The following ANKFN1 variants were observed in gnomAD, a reference collection of about 807,000 sequenced individuals.
ANKFN1 encodes ankyrin repeat and fibronectin type III domain containing 1.
Under a neutral mutation model 108.7 loss-of-function variants are expected in ANKFN1, and 74 were observed. The ratio of observed to expected loss-of-function variants is 0.68; its 90% confidence interval spans 0.56 to 0.83. The LOEUF is 0.83. Ranked by LOEUF, ANKFN1 falls within the 40% of genes least tolerant of loss-of-function variation. ANKFN1 has a pLI of 0.00. For synonymous variants in ANKFN1, 547 were observed against 516.2 expected, an observed-to-expected ratio of 1.06 and a Z score of -0.81; for missense variants, 1,505 against 1,382.3, an observed-to-expected ratio of 1.09 and a Z score of -1.41.
At chr17:56,186,839 A>G (rs2143660045) in intron 1 of ANKFN1, among the ~76,000 whole-genome samples, 1 of 152,332 alleles carries the variant, frequency 6.6e-6, no homozygotes, top group South Asian at 2.1e-4. Context: ...CGGGGAAAGG[A>G]TTCCCTATTT....
chr17:56,399,277 A>T (rs1024787817), intron 8 of ANKFN1, among the ~76,000 whole-genome samples: 1 of 152,228 alleles, frequency 6.6e-6, no homozygotes, highest in Middle Eastern at 3.4e-3. Context: ...CATGGGAGAA[A>T]TCTTTTATAA....
intron 3 of ANKFN1, among the ~76,000 whole-genome samples, chr17:56,318,677 A>C (rs1424094077): frequency 1.2e-4 from 18 of 152,206 alleles, no homozygotes; most frequent in Admixed American, 1.2e-3. Flanking sequence ...AGAGGTAAAT[A>C]GTCTGTCTTC....
chr17:56,302,676 C>G (rs554067360), intron 3 of ANKFN1, among the ~76,000 whole-genome samples: 1 of 152,148 alleles, frequency 6.6e-6, no homozygotes, highest in South Asian at 2.1e-4. Flanking sequence ...CTTCATAATC[C>G]TACCCCCACA....
chr17:56,232,096 A>G (rs1016191653), intron 3 of ANKFN1, among the ~76,000 whole-genome samples: 1 of 152,084 alleles, frequency 6.6e-6, no homozygotes, highest in Non-Finnish European at 1.5e-5. Context: ...TCCCCACATG[A>G]CAACCCTCCA....
Position 56,350,933 on chromosome 17 carries a change from G to T in ANKFN1, c.356G>T (p.Arg119Ile). 1 of 1,613,712 alleles carries T rather than the reference G, an allele frequency of 6.2e-7. No individual in the cohort carries two copies. Among genetic ancestry groups the T allele is most frequent in the South Asian group, 1.1e-5 (1 of 91,064 alleles). Residue 119 changes from arginine to isoleucine, a missense_variant, in exon 5 of 21, where the codon AGA becomes ATA. Transcript: ENST00000682825. ...SSFDEAYFRT[R>I]TDRLSLRKTS... ...TTCGATGAGGCCTATTTTAGGACAA[G>T]AACTGATCGGCTGAGTCTCAGGAAG...
chr17:56,153,778 G>A (rs1908828479), intron 1 of ANKFN1, among the ~76,000 whole-genome samples: 1 of 152,168 alleles, frequency 6.6e-6, no homozygotes, highest in African/African-American at 2.4e-5. Flanking sequence ...GATTAAAGGA[G>A]AGAGGCTTCT....
intron 2 of ANKFN1, among the ~76,000 whole-genome samples, chr17:56,217,771 CA>C (rs1371905665): frequency 4.6e-5 from 7 of 152,108 alleles, no homozygotes; most frequent in African/African-American, 1.7e-4. Flanking sequence ...TTTTTTTCAG[CA>C]TACTATGTTT....
At chr17:56,084,645 G>T (rs1905286215) in intron 4 of ANKFN1, among the ~76,000 whole-genome samples, 1 of 151,318 alleles carries the variant, frequency 6.6e-6, no homozygotes, top group Non-Finnish European at 1.5e-5. Flanking sequence ...AGGAAAAGGT[G>T]GGAAAACAGA....
intron 3 of ANKFN1, among the ~76,000 whole-genome samples, chr17:56,300,088 T>C (rs1161698460): frequency 6.6e-6 from 1 of 152,184 alleles, no homozygotes. Flanking sequence ...CTCATGGAGC[T>C]CCGTGTTTTC....
chr17:56,071,727 C>A (rs2096710209), intron 4 of ANKFN1, among the ~76,000 whole-genome samples: 1 of 152,214 alleles, frequency 6.6e-6, no homozygotes, highest in African/African-American at 2.4e-5. Flanking sequence ...TTTGAGCCAT[C>A]CTAGTCTAAT....
intron 3 of ANKFN1, among the ~76,000 whole-genome samples, chr17:56,308,956 T>C (rs1013893147): frequency 6.6e-6 from 1 of 152,228 alleles, no homozygotes; most frequent in Non-Finnish European, 1.5e-5. Context: ...TATATGTTTC[T>C]GAATTCTATT....
chr17:56,324,540 G>A (rs1021892703), intron 3 of ANKFN1, among the ~76,000 whole-genome samples: 2 of 152,088 alleles, frequency 1.3e-5, no homozygotes, highest in African/African-American at 4.8e-5. Context: ...GCTTACCACA[G>A]CAGATGTAAT....
intron 4 of ANKFN1, among the ~76,000 whole-genome samples, chr17:56,064,933 A>G (rs984425582): frequency 4.6e-5 from 7 of 152,110 alleles, no homozygotes; most frequent in Non-Finnish European, 8.8e-5. Context: ...TAGGTAGCAC[A>G]TTCACTCACC....
intron 1 of ANKFN1, among the ~76,000 whole-genome samples, chr17:56,173,133 A>G (rs1344151826): frequency 6.6e-6 from 1 of 152,160 alleles, no homozygotes; most frequent in Non-Finnish European, 1.5e-5. Flanking sequence ...GTAGTTTTAG[A>G]ATGATGTCCT....
chr17:56,484,185 T>C (rs1568040474), intron 18 of ANKFN1, among the ~76,000 whole-genome samples: 1 of 152,034 alleles, frequency 6.6e-6, no homozygotes. Context: ...TTTGGCTAGA[T>C]CAGAGAAATG....
At chr17:56,453,709 A>G (rs80082248) in intron 11 of ANKFN1, among the ~76,000 whole-genome samples, 2,760 of 152,260 alleles carry the variant, frequency 0.018, 55 homozygotes, top group East Asian at 0.092. Flanking sequence ...ACTAATTTTC[A>G]GAGAAATTGT....
intron 4 of ANKFN1, among the ~76,000 whole-genome samples, chr17:56,054,744 A>G (rs185163078): frequency 6.6e-6 from 1 of 152,190 alleles, no homozygotes; most frequent in East Asian, 1.9e-4. Flanking sequence ...TAAACAAATT[A>G]GCCAGACTAA....
At chr17:56,169,863 A>G (rs762050539) in intron 1 of ANKFN1, among the ~76,000 whole-genome samples, 1 of 152,184 alleles carries the variant, frequency 6.6e-6, no homozygotes, top group African/African-American at 2.4e-5. Context: ...AGGCAAGAGC[A>G]AGTCCCCTAA....
intron 10 of ANKFN1, among the ~76,000 whole-genome samples, chr17:56,448,762 G>T (rs1222589460): frequency 6.6e-6 from 1 of 152,148 alleles, no homozygotes; most frequent in Admixed American, 6.6e-5. Flanking sequence ...GGATGTAGAA[G>T]GCTAAAAGGG....
Sources: gnomAD v4.1 joint callset for allele counts (sites outside exome capture counted in the v4.1 genomes callset) on GRCh38, gnomAD v4.1.1 for gene constraint, MANE v1.5 for transcripts, NCBI Gene and HGNC (gene_info 2026-07-23, HGNC 2026-07-21) for gene names.